The following GALNT13 variants were observed in gnomAD, a reference collection of about 807,000 sequenced individuals.
GALNT13 encodes UDP-GalNAc:polypeptide N-acetylgalactosaminyltransferase 13.
Under a neutral mutation model 64.2 loss-of-function variants are expected in GALNT13, and 28 were observed. The ratio of observed to expected loss-of-function variants is 0.44; its 90% CI spans 0.32 to 0.60. GALNT13 has a LOEUF of 0.60. GALNT13 is among the 20% of genes least tolerant of loss of function. The probability of loss-of-function intolerance (pLI) is 0.05; values close to 1 mark genes in which losing one functional copy is unlikely to be tolerated. For missense variants in GALNT13, 577 were observed against 669.8 expected, an observed-to-expected ratio of 0.86 and a Z score of 1.53; for synonymous variants, 214 against 224.6, an observed-to-expected ratio of 0.95 and a Z score of 0.42.
chr2:153,792,037 C>A, the GALNT13 span, among the ~76,000 whole-genome samples: 38 of 152,040 alleles, frequency 2.5e-4, no homozygotes, highest in Non-Finnish European at 1.5e-4. Flanking sequence ...ATATAACAAA[C>A]GTACACATGT....
At chr2:153,626,094 C>T in the GALNT13 span, among the ~76,000 whole-genome samples, 2 of 152,114 alleles carry the variant, frequency 1.3e-5, no homozygotes, top group African/African-American at 4.8e-5. Flanking sequence ...GTAAGAGACA[C>T]TACCTTAACT....
At chr2:154,286,980 G>A in intron 8 of GALNT13, 1 of 566,400 alleles carries the variant, frequency 1.8e-6, no homozygotes, top group South Asian at 1.8e-5. Context: ...TCAAGTCAGT[G>A]GTGGCTCACT....
the GALNT13 span, among the ~76,000 whole-genome samples, chr2:153,740,739 C>T: frequency 6.6e-6 from 1 of 152,116 alleles, no homozygotes; most frequent in Non-Finnish European, 1.5e-5. Context: ...ATTGCAAACA[C>T]TGATTTTTGG....
At chr2:153,515,568 G>C in the GALNT13 span, among the ~76,000 whole-genome samples, 1 of 152,162 alleles carries the variant, frequency 6.6e-6, no homozygotes, top group African/African-American at 2.4e-5. Context: ...GAGCAAGGTA[G>C]CCCGTGCCTT....
chr2:154,355,456 A>G (rs1696686307), intron 9 of GALNT13, among the ~76,000 whole-genome samples: 1 of 152,154 alleles, frequency 6.6e-6, no homozygotes, highest in Non-Finnish European at 1.5e-5. Flanking sequence ...GCACAGGTAC[A>G]TATAAATGTC....
At chr2:153,702,048 C>T in the GALNT13 span, among the ~76,000 whole-genome samples, 1 of 152,206 alleles carries the variant, frequency 6.6e-6, no homozygotes, top group Admixed American at 6.5e-5. Flanking sequence ...TATTGCAACA[C>T]TATTCACAAT....
chr2:153,723,377 C>A, the GALNT13 span, among the ~76,000 whole-genome samples: 1 of 150,422 alleles, frequency 6.6e-6, no homozygotes, highest in East Asian at 1.9e-4. Context: ...GGAAGCATTC[C>A]CTTTGAAAAC....
the GALNT13 span, chr2:153,478,355 A>T: frequency 6.2e-7 from 1 of 1,614,194 alleles, no homozygotes. Flanking sequence ...AAGATGCCGA[A>T]GACCACGGTG....
the GALNT13 span, among the ~76,000 whole-genome samples, chr2:153,186,274 T>A: frequency 4.6e-5 from 7 of 152,312 alleles, no homozygotes; most frequent in African/African-American, 1.2e-4. Context: ...AAACTAAGAT[T>A]GCAACCCCTG....
chr2:154,148,643 T>C (rs1266488066), intron 4 of GALNT13, among the ~76,000 whole-genome samples: 2 of 152,082 alleles, frequency 1.3e-5, no homozygotes, highest in East Asian at 3.9e-4. Context: ...TGGTATCTCA[T>C]TGTGGTTTTG....
At chr2:153,685,225 C>T in the GALNT13 span, among the ~76,000 whole-genome samples, 1 of 151,908 alleles carries the variant, frequency 6.6e-6, no homozygotes, top group South Asian at 2.1e-4. Flanking sequence ...TGAGGAATTG[C>T]CACACTGTCT....
At chr2:153,658,310 G>T in the GALNT13 span, among the ~76,000 whole-genome samples, 1 of 152,098 alleles carries the variant, frequency 6.6e-6, no homozygotes, top group African/African-American at 2.4e-5. Flanking sequence ...TCCCACTTCT[G>T]CCAATGGCCA....
At chr2:153,896,095 TCCTAAATTAAAAAAAACTTGCCAC>T (rs1687875716) in intron 1 of GALNT13, among the ~76,000 whole-genome samples, 1 of 95,398 alleles carries the variant, frequency 1.0e-5, no homozygotes, top group African/African-American at 3.0e-5. Flanking sequence ...TTATGTTTTT[TCCTAAATTAAAAAAAACTTGCCAC>T]TTTCGATTTA....
chr2:153,322,981 T>C, the GALNT13 span, among the ~76,000 whole-genome samples: 32 of 152,114 alleles, frequency 2.1e-4, no homozygotes, highest in African/African-American at 7.7e-4. Flanking sequence ...GTCTTTATAG[T>C]AGAATGATTT....
chr2:153,117,465 G>A, the GALNT13 span, among the ~76,000 whole-genome samples: 6 of 152,268 alleles, frequency 3.9e-5, no homozygotes, highest in South Asian at 1.2e-3. Context: ...AAACATGAAA[G>A]AGAAAATGTT....
chr2:153,222,332 T>TGGG, the GALNT13 span, among the ~76,000 whole-genome samples: 3 of 103,788 alleles, frequency 2.9e-5, no homozygotes, highest in East Asian at 4.0e-4. Flanking sequence ...GGGGGTGGGG[T>TGGG]GGGGGGGGGG....
chr2:153,602,428 G>T, the GALNT13 span, among the ~76,000 whole-genome samples: 1 of 151,636 alleles, frequency 6.6e-6, no homozygotes, highest in Non-Finnish European at 1.5e-5. Flanking sequence ...GGTGGGTAGG[G>T]GGGCAGGTGG....
At chr2:154,315,726 A>G (rs1026851562) in intron 9 of GALNT13, among the ~76,000 whole-genome samples, 24 of 152,258 alleles carry the variant, frequency 1.6e-4, no homozygotes, top group Non-Finnish European at 2.2e-4. Context: ...AATTGATTTA[A>G]CTGGAGTTTC....
At chr2:153,649,729 A>C in the GALNT13 span, among the ~76,000 whole-genome samples, 1 of 151,320 alleles carries the variant, frequency 6.6e-6, no homozygotes, top group African/African-American at 2.4e-5. Context: ...TGTACCCAGT[A>C]GTCATTCAGG....
Sources: allele counts gnomAD v4.1 joint callset (sites outside exome capture counted in the v4.1 genomes callset), GRCh38; gene constraint gnomAD v4.1.1; transcripts MANE v1.5; gene names NCBI Gene and HGNC (gene_info 2026-07-23, HGNC 2026-07-21).